Variants in CIBAR2 observed in about 807,000 individuals in gnomAD.
The protein encoded by CIBAR2 is CBY1 interacting BAR domain containing 2, also known as CBY1-interacting BAR domain-containing protein 2.
A neutral mutation model predicts 36.2 loss-of-function variants in CIBAR2; 38 were observed. That is an observed-to-expected ratio of 1.05 (90% confidence interval 0.81 to 1.38). The LOEUF is 1.38. Ranked by LOEUF, CIBAR2 falls within the 40% of genes most tolerant of loss-of-function variation. CIBAR2 has a pLI of 0.00. For synonymous variants in CIBAR2, 182 were observed against 149.5 expected, an observed-to-expected ratio of 1.22 and a Z score of -1.58; for missense variants, 481 against 383.4, an observed-to-expected ratio of 1.25 and a Z score of -2.13.
At chr16:85,109,963 T>A (rs1474023247) in intron 2 of CIBAR2, among the ~76,000 whole-genome samples, 2 of 152,110 alleles carry the variant, frequency 1.3e-5, no homozygotes, top group African/African-American at 4.8e-5. Context: ...CCTTCGGGGG[T>A]TCATGGAGCC....
At position 85,107,828 on chromosome 16, in the gene CIBAR2, A is replaced by G; in HGVS notation, c.426+18T>C. ...CCCTGGCCCGGCAGCCCCAGGCCCC[A>G]CTTCCAGGGAAGGATACGATCATTT... On this transcript the variant is annotated intron_variant, in intron 4 of 8. Transcript: ENST00000539556. The G allele has an allele frequency of 6.2e-7, 1 of 1,605,742 alleles. No individual in the cohort carries two copies. Among genetic ancestry groups the G allele is most frequent in the Non-Finnish European group, 8.5e-7 (1 of 1,172,418 alleles).
chr16:85,104,473 C>A (rs1019147708), intron 6 of CIBAR2, among the ~76,000 whole-genome samples: 2 of 152,150 alleles, frequency 1.3e-5, no homozygotes, highest in African/African-American at 4.8e-5. Context: ...TTTAGGAGGC[C>A]AAGGTGGGTG....
In CIBAR2 at chr16:85,099,120, G is replaced by C. The variant is rs1051928603; in HGVS notation, c.*65C>G. On this transcript the variant is annotated 3_prime_UTR_variant, in exon 9 of 9. Coordinates refer to ENST00000539556, the MANE Select transcript of CIBAR2 (RefSeq NM_198491.3). ...CAAAGAAAAAAGAATCAGAAAATAAGAACAAAGCCTCCAGGCAGTCTGGGA... is the reference window on the plus strand; with the variant it reads ...CAAAGAAAAAAGAATCAGAAAATAACAACAAAGCCTCCAGGCAGTCTGGGA... 23 of 1,439,612 alleles carry C rather than the reference G, an allele frequency of 1.6e-5. No homozygotes were observed. Among genetic ancestry groups the C allele is most frequent in the African/African-American group, 2.9e-5 (2 of 68,242 alleles). The allele number at this position is 1,439,612 out of a possible 1,614,324, so 89.2% of individuals were successfully genotyped here.
chr16:85,107,646 A>G (rs372051292), intron 5 of CIBAR2, 21 bp downstream of exon 5: 2 of 1,613,374 alleles, frequency 1.2e-6, no homozygotes, highest in African/African-American at 1.3e-5. Context: ...TGCCTGCCCC[A>G]GACAGACATG....
In CIBAR2 at chr16:85,110,378, A is replaced by G. The variant is rs1231818420; in HGVS notation, c.103T>C (p.Tyr35His). 1.2e-6 allele frequency: 2 copies of G among 1,613,284 alleles called. No individual in the cohort carries two copies. The highest frequency in any genetic ancestry group is 1.7e-6 in the Non-Finnish European group (2 of 1,179,790). Residue 35 changes from tyrosine to histidine, a missense_variant, in exon 2 of 9, where the codon TAC (tyrosine) becomes CAC (histidine). Transcript: ENST00000539556. ...FGQFCSLLAAYTRKTARLRDK... is the reference protein window; with the variant it reads ...FGQFCSLLAAHTRKTARLRDK... ...CGCAGCCGGGCCGTCTTGCGCGTGT[A>G]GGCGGCCAGCAGCGAGCAGAACTGC...
intron 1 of CIBAR2, 22 bp downstream of exon 1, chr16:85,112,311 A>T: frequency 3.1e-6 from 5 of 1,605,220 alleles, no homozygotes; most frequent in Non-Finnish European, 4.3e-6. Flanking sequence ...CCTCACAGCC[A>T]GGCTGGCGCT....
intron 6 of CIBAR2, among the ~76,000 whole-genome samples, chr16:85,102,906 C>CT (rs60547700): frequency 9.2e-4 from 131 of 142,958 alleles, no homozygotes; most frequent in South Asian, 8.4e-3. Flanking sequence ...TCACAGGAGG[C>CT]TTTTTTTTTT....
At chr16:85,099,887 C>G (rs2073941646) in intron 8 of CIBAR2, among the ~76,000 whole-genome samples, 1 of 151,038 alleles carries the variant, frequency 6.6e-6, no homozygotes, top group South Asian at 2.1e-4. Context: ...AAGTGATCCT[C>G]CCACCTCAGC....
At chr16:85,105,524 C>T in intron 5 of CIBAR2, 93 bp from the exon 6 acceptor site, 2 of 910,390 alleles carry the variant, frequency 2.2e-6, no homozygotes, top group Non-Finnish European at 3.5e-6. Flanking sequence ...AAACCCTTCT[C>T]TCAGGCCAGT....
intron 2 of CIBAR2, among the ~76,000 whole-genome samples, chr16:85,109,989 C>T (rs1000119533): frequency 6.6e-6 from 1 of 152,160 alleles, no homozygotes; most frequent in Non-Finnish European, 1.5e-5. Flanking sequence ...GGCTGGCTTC[C>T]TGGGTTTCCT....
At chr16:85,110,168 C>T in intron 2 of CIBAR2, 58 bp downstream of exon 2, 1 of 1,371,282 alleles carries the variant, frequency 7.3e-7, no homozygotes, top group Non-Finnish European at 1.0e-6. Context: ...CAGGCCTGAC[C>T]TTGGCATTGG....
rs763349577 is a variant in CIBAR2 at position 85,110,319 on chromosome 16, G to A, written c.162C>T (p.Ile54=). 25 of 1,612,688 alleles carry A rather than the reference G, an allele frequency of 1.6e-5. No homozygotes were observed. Among genetic ancestry groups the A allele is most frequent in the African/African-American group, 2.7e-5 (2 of 75,002 alleles). The change falls in exon 2 of 9, where the codon ATC becomes ATT. Residue 54 remains isoleucine (I), a synonymous_variant. Coordinates refer to ENST00000539556, the MANE Select transcript of CIBAR2 (RefSeq NM_198491.3). The stretch of plus-strand genomic sequence containing the variant: ...CGGGGTTCTCGGAGTTGGCAAAGTC[G>A]ATGAGCTGCTTGACCAGCTGGTCCG... ...DKADQLVKQL[I]DFANSENPEL...
chr16:85,109,658 C>A (rs1003635477), intron 2 of CIBAR2, among the ~76,000 whole-genome samples: 5 of 152,092 alleles, frequency 3.3e-5, no homozygotes, highest in Admixed American at 2.0e-4. Flanking sequence ...TAGCTGGGAC[C>A]ACAGCTGCTT....
chr16:85,108,154 C>T, intron 2 of CIBAR2, 55 bp from the exon 3 acceptor site: 1 of 1,525,214 alleles, frequency 6.6e-7, no homozygotes, highest in Admixed American at 1.9e-5. Context: ...CTGCCTCCAG[C>T]CTGGGCATAT....
At chr16:85,107,761 C>G in intron 4 of CIBAR2, 85 bp downstream of exon 4, 1 of 1,590,976 alleles carries the variant, frequency 6.3e-7, no homozygotes. Flanking sequence ...CCCAGCGGGC[C>G]CAGGCAAAGA....
chr16:85,109,736 C>A (rs2074025645), intron 2 of CIBAR2, among the ~76,000 whole-genome samples: 1 of 152,200 alleles, frequency 6.6e-6, no homozygotes, highest in Non-Finnish European at 1.5e-5. Context: ...TGGGCTCAGA[C>A]AGTCTGTCCA....
At position 85,098,886 on chromosome 16, in the gene CIBAR2, C is replaced by T; in HGVS notation, c.*299G>A. The T allele has an allele frequency of 3.8e-6, 1 of 262,016 alleles. No individual in the cohort carries two copies. Among genetic ancestry groups the T allele is most frequent in the Non-Finnish European group, 6.8e-6 (1 of 146,314 alleles). 16.2% of individuals were successfully genotyped at this position (262,016 alleles called of 1,614,324 possible). A position where few individuals can be genotyped will look rare whatever the true frequency, so the allele number is the denominator to read the frequency against. ...TCTAAGGCACAGAGAGGCTAGGAGA[C>T]TTTCCCAAGGTCACACCGCCGGGAG... is the stretch of plus-strand genomic sequence containing the variant. On this transcript the variant is annotated 3_prime_UTR_variant, in exon 9 of 9. Coordinates refer to ENST00000539556, the MANE Select transcript of CIBAR2 (RefSeq NM_198491.3).
In CIBAR2 at chr16:85,105,372, C is replaced by T; in HGVS notation, c.492G>A (p.Glu164=). Residue 164 remains glutamate (E), a synonymous_variant, in exon 6 of 9, where the codon GAG becomes GAA. Coordinates refer to ENST00000539556, the MANE Select transcript of CIBAR2 (RefSeq NM_198491.3). ...VDSSRTTLQL[E]ETVDGFQRQK... ...GCCTCTGGAAGCCATCCACAGTCTC[C>T]TCCAGCTGGAGGGTGGTGCGGCTGG... 1 of 1,613,924 alleles carries T rather than the reference C, an allele frequency of 6.2e-7. No individual in the cohort carries two copies. The highest frequency in any genetic ancestry group is 8.5e-7 in the Non-Finnish European group (1 of 1,179,996).
chr16:85,111,025 C>G (rs575411624), intron 1 of CIBAR2, among the ~76,000 whole-genome samples: 1 of 152,072 alleles, frequency 6.6e-6, no homozygotes. Context: ...TTTAAGGGCT[C>G]CCAATCCGGC....
Sources: gnomAD v4.1 joint callset for allele counts (sites outside exome capture counted in the v4.1 genomes callset) on GRCh38, gnomAD v4.1.1 for gene constraint, MANE v1.5 for transcripts, NCBI Gene and HGNC (gene_info 2026-07-23, HGNC 2026-07-21) for gene names.